Variants in DHFR2 observed in about 807,000 individuals in gnomAD.
DHFR2 encodes the protein dihydrofolate reductase 2, mitochondrial.
In DHFR2, 11 loss-of-function variants were observed where a neutral mutation model predicts 12.0. That is an observed-to-expected ratio of 0.92 (90% confidence interval 0.58 to 1.52). The LOEUF is 1.52. DHFR2 is among the 40% of genes most tolerant of loss of function. The pLI, the probability that DHFR2 is intolerant of heterozygous loss-of-function variation, is 0.00. For missense variants in DHFR2, 188 were observed against 221.2 expected, an observed-to-expected ratio of 0.85 and a Z score of 0.95; for synonymous variants, 87 against 79.6, an observed-to-expected ratio of 1.09 and a Z score of -0.49.
chr3:94,061,230 C>A lies in DHFR2; in HGVS notation c.282G>T (p.Leu94Phe). ...GTTCAGTAAGTTTTAAGGCATCATCCAAACTTCTGGCAAGAAAATGAGCTC... is the reference window on the plus strand; with the variant it reads ...GTTCAGTAAGTTTTAAGGCATCATCAAAACTTCTGGCAAGAAAATGAGCTC... The part of the protein sequence containing the change: ...PQGAHFLARS[L>F]DDALKLTERP... The change falls in exon 2 of 2, where the codon TTG becomes TTT. Residue 94 changes from leucine (L) to phenylalanine (F), a missense_variant. Coordinates refer to ENST00000314636, the MANE Select transcript of DHFR2 (RefSeq NM_176815.5). The A allele has an allele frequency of 6.2e-7, 1 of 1,613,946 alleles. No individual in the cohort carries two copies. Among genetic ancestry groups the A allele is most frequent in the Non-Finnish European group, 8.5e-7 (1 of 1,179,868 alleles).
In DHFR2 at chr3:94,058,054, T is replaced by G. The variant is rs1016522238; in HGVS notation, c.*2894A>C. The G allele has an allele frequency of 6.6e-6, 1 of 152,190 alleles. No individual in the cohort carries two copies. Among genetic ancestry groups the G allele is most frequent in the African/African-American group, 2.4e-5 (1 of 41,472 alleles). 9.4% of individuals were successfully genotyped at this position (152,190 alleles called of 1,614,324 possible). ...CTCTAACAGAAATAAACTATGATTC[T>G]TATTACAGTCTTAAAATTCTTTTTT... is the stretch of plus-strand genomic sequence containing the variant. On this transcript the variant is annotated 3_prime_UTR_variant, in exon 2 of 2. Coordinates refer to ENST00000314636, the MANE Select transcript of DHFR2 (RefSeq NM_176815.5).
chr3:94,059,204 A>T lies in DHFR2; in HGVS notation c.*1744T>A, dbSNP rs1183210582. 6.6e-6 allele frequency: 1 copy of T among 152,188 alleles called. No homozygotes were observed. Among genetic ancestry groups the T allele is most frequent in the African/African-American group, 2.4e-5 (1 of 41,446 alleles). 9.4% of individuals were successfully genotyped at this position (152,188 alleles called of 1,614,324 possible). A position where few individuals can be genotyped will look rare whatever the true frequency, so the allele number is the denominator to read the frequency against. ...AATAACTTTATAGAATTCTGAAGGC[A>T]TGGTTCCGTTGTTTTCAGATTCTTT... On this transcript the variant is annotated 3_prime_UTR_variant, in exon 2 of 2. Transcript: ENST00000314636.
At chr3:94,062,998 G>C (rs1576077115), upstream of DHFR2, 1 of 990,776 alleles carries the variant, frequency 1.0e-6, no homozygotes, top group Non-Finnish European at 1.6e-6. Context: ...GCGAGAAATT[G>C]AAGAGGAAAC....
upstream of DHFR2, chr3:94,063,223 T>TG (rs1241012330): frequency 1.5e-6 from 2 of 1,317,386 alleles, no homozygotes; most frequent in South Asian, 1.2e-5. Flanking sequence ...GGTGCTGGGA[T>TG]GGGGGAACAT....
chr3:94,058,194 C>T lies in DHFR2; in HGVS notation c.*2754G>A, dbSNP rs914192005. The T allele has an allele frequency of 5.3e-5, 8 of 152,148 alleles. No individual in the cohort carries two copies. The highest frequency in any genetic ancestry group is 2.1e-4 in the South Asian group (1 of 4,816). The allele number at this position is 152,148 out of a possible 1,614,324, so 9.4% of individuals were successfully genotyped here. Reference sequence around the variant, plus strand: ...AAGTCTTACAATGAAAACAGTCCTGCGACTTGTTCTTTCCAGAGGAAAGCA... The same window carrying T: ...AAGTCTTACAATGAAAACAGTCCTGTGACTTGTTCTTTCCAGAGGAAAGCA... On this transcript the variant is annotated 3_prime_UTR_variant, in exon 2 of 2. Coordinates refer to ENST00000314636, the MANE Select transcript of DHFR2 (RefSeq NM_176815.5).
In DHFR2 at chr3:94,061,501, A is replaced by G; in HGVS notation, c.11T>C (p.Leu4Ser). ...GGACACAGCGACGATGCAGTTTAGCAAAAGAAACATGACAGCAGCGGTTAA... is the reference window on the plus strand; with the variant it reads ...GGACACAGCGACGATGCAGTTTAGCGAAAGAAACATGACAGCAGCGGTTAA... MFLLLNCIVAVSQN... is the reference protein window; with the variant it reads MFLSLNCIVAVSQN... The change falls in exon 2 of 2, where the codon TTG becomes TCG. Residue 4 changes from leucine (L) to serine (S), a missense_variant. Physicochemically the swap from Leu to Ser is moderately radical, Grantham distance 145. Coordinates refer to ENST00000314636, the MANE Select transcript of DHFR2 (RefSeq NM_176815.5). 6.2e-7 allele frequency: 1 copy of G among 1,614,018 alleles called. No homozygotes were observed. Among genetic ancestry groups the G allele is most frequent in the East Asian group, 2.2e-5 (1 of 44,868 alleles).
chr3:94,062,840 C>G lies in DHFR2; in HGVS notation c.-190G>C. 1 of 430,946 alleles carries G rather than the reference C, an allele frequency of 2.3e-6. No homozygotes were observed. Among genetic ancestry groups the G allele is most frequent in the African/African-American group, 2.0e-5 (1 of 50,516 alleles). 26.7% of individuals were successfully genotyped at this position (430,946 alleles called of 1,614,324 possible). ...AAGCTACGCCGACCAATCCAAGTAG[C>G]GAAAGTCGCTTTGGCCCTGGCCCGT... On this transcript the variant is annotated 5_prime_UTR_variant, in exon 1 of 2. Coordinates refer to ENST00000314636, the MANE Select transcript of DHFR2 (RefSeq NM_176815.5).
In DHFR2 at chr3:94,061,440, G is replaced by C. The variant is rs2077174176; in HGVS notation, c.72C>G (p.Pro24=). 1.2e-6 allele frequency: 2 copies of C among 1,614,158 alleles called. No individual in the cohort carries two copies. Among genetic ancestry groups the C allele is most frequent in the African/African-American group, 2.7e-5 (2 of 75,032 alleles). The change falls in exon 2 of 2, where the codon CCC becomes CCG. Residue 24 remains proline (P), a synonymous_variant. Coordinates refer to ENST00000314636, the MANE Select transcript of DHFR2 (RefSeq NM_176815.5). ...NMGIGKNGDL[P]RPPLRNEFRY... ...TGAATTCATTCCTGAGCGGCGGCCT[G>C]GGCAGGTCCCCGTTCTTGCCGATGC...
Position 94,061,318 on chromosome 3 carries a change from T to C in DHFR2, c.194A>G (p.Asn65Ser). 1.9e-6 allele frequency: 3 copies of C among 1,614,060 alleles called. No homozygotes were observed. The highest frequency in any genetic ancestry group is 2.5e-6 in the Non-Finnish European group (3 of 1,179,934). The change falls in exon 2 of 2, where the codon AAT becomes AGT. Residue 65 changes from asparagine (N) to serine (S), a missense_variant. Asn to Ser is a conservative substitution (Grantham distance 46). Transcript: ENST00000314636. ...ATTAATTCTATCCTTTAAAGGTCGA[T>C]TCTTCTCAGGAATGGAGAACCAGGT... ...RKTWFSIPEKNRPLKDRINLV... is the reference protein window; with the variant it reads ...RKTWFSIPEKSRPLKDRINLV...
Position 94,060,850 on chromosome 3 carries a change from C to T in DHFR2, c.*98G>A, listed in dbSNP as rs1391375059. 1.5e-6 allele frequency: 2 copies of T among 1,307,438 alleles called. No individual in the cohort carries two copies. The highest frequency in any genetic ancestry group is 2.3e-5 in the East Asian group (1 of 42,664). The allele number at this position is 1,307,438 out of a possible 1,614,324, so 81.0% of individuals were successfully genotyped here. The stretch of plus-strand genomic sequence containing the variant: ...AACACGTTGCTTAGAAATAATTATC[C>T]ATAGATCTGAAGTCAACAAAAGTCC... On this transcript the variant is annotated 3_prime_UTR_variant, in exon 2 of 2. Coordinates refer to ENST00000314636, the MANE Select transcript of DHFR2 (RefSeq NM_176815.5).
chr3:94,059,273 G>GA lies in DHFR2; in HGVS notation c.*1674_*1675insT. 6.6e-6 allele frequency: 1 copy of GA among 152,290 alleles called. No homozygotes were observed. Among genetic ancestry groups the GA allele is most frequent in the South Asian group, 2.1e-4 (1 of 4,820 alleles). 9.4% of individuals were successfully genotyped at this position (152,290 alleles called of 1,614,324 possible). ...CTGTCACCCAGGCAGGAGTGCAGTG[G>GA]CAAAATCACGACTCACTGCAGCCTT... On this transcript the variant is annotated 3_prime_UTR_variant, in exon 2 of 2. Transcript: ENST00000314636.
At chr3:94,061,827 C>G (rs552815761) in intron 1 of DHFR2, among the ~76,000 whole-genome samples, 267 of 151,756 alleles carry the variant, frequency 1.8e-3, no homozygotes, top group Admixed American at 7.2e-4. Flanking sequence ...TCATTTCATT[C>G]CTGATTATCA....
At chr3:94,062,945 C>A, upstream of DHFR2, 1 of 637,650 alleles carries the variant, frequency 1.6e-6, no homozygotes, top group Non-Finnish European at 2.8e-6. Flanking sequence ...GGGAGCTAAG[C>A]CTCTTCGACA....
In DHFR2 at chr3:94,060,966, T is replaced by TA. The variant is rs1214074665; in HGVS notation, c.545dup (p.Cys183MetfsTer2). 1.2e-6 allele frequency: 2 copies of TA among 1,613,564 alleles called. No homozygotes were observed. The highest frequency in any genetic ancestry group is 1.7e-6 in the Non-Finnish European group (2 of 1,179,676). The stretch of plus-strand genomic sequence containing the variant: ...CTTCATATTAATCATCCTTCTCACA[T>TA]ACTTCAAATTTGTACTTGATGTGTT... On this transcript the variant is annotated frameshift_variant, in exon 2 of 2. Coordinates refer to ENST00000314636, the MANE Select transcript of DHFR2 (RefSeq NM_176815.5). LOFTEE classifies it high-confidence loss of function.
In DHFR2 at chr3:94,058,475, T is replaced by C. The variant is rs1424422572; in HGVS notation, c.*2473A>G. 1 of 152,194 alleles carries C rather than the reference T, an allele frequency of 6.6e-6. No individual in the cohort carries two copies. Among genetic ancestry groups the C allele is most frequent in the East Asian group, 1.9e-4 (1 of 5,186 alleles). 9.4% of individuals were successfully genotyped at this position (152,194 alleles called of 1,614,324 possible). A position where few individuals can be genotyped will look rare whatever the true frequency, so the allele number is the denominator to read the frequency against. On this transcript the variant is annotated 3_prime_UTR_variant, in exon 2 of 2. Transcript: ENST00000314636. ...AGTCATTTCTTGATTATGTTATACA[T>C]TATATAGTGATTTCTTGATATGACA...
Position 94,060,408 on chromosome 3 carries a change from C to T in DHFR2, c.*540G>A, listed in dbSNP as rs1045966064. On this transcript the variant is annotated 3_prime_UTR_variant, in exon 2 of 2. Coordinates refer to ENST00000314636, the MANE Select transcript of DHFR2 (RefSeq NM_176815.5). ...CTTCTGGTATGACCTAGCAAATAAA[C>T]TGCTTTCACTTAAATTTCAGTCTTG... 1 of 156,498 alleles carries T rather than the reference C, an allele frequency of 6.4e-6. No individual in the cohort carries two copies. Among genetic ancestry groups the T allele is most frequent in the African/African-American group, 2.4e-5 (1 of 41,452 alleles). The allele number at this position is 156,498 out of a possible 1,614,324, so 9.7% of individuals were successfully genotyped here. A position where few individuals can be genotyped will look rare whatever the true frequency, so the allele number is the denominator to read the frequency against.
At position 94,060,956 on chromosome 3, in the gene DHFR2, C is replaced by A; in HGVS notation, c.556G>T (p.Asp186Tyr). The A allele has an allele frequency of 6.2e-7, 1 of 1,613,226 alleles. No individual in the cohort carries two copies. Among genetic ancestry groups the A allele is most frequent in the East Asian group, 2.2e-5 (1 of 44,858 alleles). ...IKYKFEVCEK[D>Y]D ...CAGAAAACACCTTCATATTAATCAT[C>A]CTTCTCACATACTTCAAATTTGTAC... Residue 186 changes from aspartate to tyrosine, a missense_variant, in exon 2 of 2, where the codon GAT (aspartate) becomes TAT (tyrosine). Coordinates refer to ENST00000314636, the MANE Select transcript of DHFR2 (RefSeq NM_176815.5).
chr3:94,061,991 G>A (rs889444378), intron 1 of DHFR2, among the ~76,000 whole-genome samples: 2 of 152,126 alleles, frequency 1.3e-5, no homozygotes, highest in African/African-American at 4.8e-5. Flanking sequence ...TAGCATGTAC[G>A]TATATTGATA....
rs1470068261 is a variant in DHFR2, at chr3:94,060,696, T to A, written c.*252A>T. On this transcript the variant is annotated 3_prime_UTR_variant, in exon 2 of 2. Coordinates refer to ENST00000314636, the MANE Select transcript of DHFR2 (RefSeq NM_176815.5). ...GTCAAGGAGTGGCAAGAGTGCCACA[T>A]GTGATGGGTGTGGAATGGCAGCTCA... The A allele has an allele frequency of 3.9e-6, 2 of 518,040 alleles. No homozygotes were observed. The highest frequency in any genetic ancestry group is 3.8e-5 in the African/African-American group (2 of 52,434). The allele number at this position is 518,040 out of a possible 1,614,324, so 32.1% of individuals were successfully genotyped here. A position where few individuals can be genotyped will look rare whatever the true frequency, so the allele number is the denominator to read the frequency against.
Sources: gnomAD v4.1 joint callset for allele counts (sites outside exome capture counted in the v4.1 genomes callset) on GRCh38, gnomAD v4.1.1 for gene constraint, MANE v1.5 for transcripts, NCBI Gene and HGNC (gene_info 2026-07-23, HGNC 2026-07-21) for gene names.